The following PLXNA4 variants were observed in gnomAD, a reference collection of about 807,000 sequenced individuals.
PLXNA4 encodes plexin-A4.
A neutral mutation model predicts 191.8 loss-of-function variants in PLXNA4; 44 were observed. The observed-to-expected ratio is 0.23, with a 90% CI of 0.18 to 0.29. The LOEUF (loss-of-function observed/expected upper bound fraction) is 0.29, where lower values mean the gene tolerates loss of function less well. Ranked by LOEUF, PLXNA4 falls within the 10% of genes least tolerant of loss-of-function variation. The pLI, the probability that PLXNA4 is intolerant of heterozygous loss-of-function variation, is 1.00. For synonymous variants in PLXNA4, 1,082 were observed against 1,009.5 expected (o/e 1.07, Z -1.36); for missense variants, 1,800 against 2,488.8 (o/e 0.72, Z 5.89).
At chr7:132,525,838 G>C (rs1170709347) in intron 1 of PLXNA4, among the ~76,000 whole-genome samples, 1 of 152,158 alleles carries the variant, frequency 6.6e-6, no homozygotes, top group African/African-American at 2.4e-5. Context: ...ACCCTCCTGG[G>C]GAGCCATGAT....
chr7:132,229,194 A>T (rs1041718775), intron 5 of PLXNA4, among the ~76,000 whole-genome samples: 1 of 152,188 alleles, frequency 6.6e-6, no homozygotes, highest in Non-Finnish European at 1.5e-5. Flanking sequence ...GGAGCTAAGA[A>T]CTGTAGTTAA....
chr7:132,178,845 TACACACAC>T (rs56027205), intron 20 of PLXNA4, among the ~76,000 whole-genome samples: 3,969 of 83,412 alleles, frequency 0.048, 205 homozygotes, highest in South Asian at 0.069. Context: ...TACACATATA[TACACACAC>T]ACACACACAC....
intron 3 of PLXNA4, among the ~76,000 whole-genome samples, chr7:132,357,014 A>G (rs1803735779): frequency 1.3e-5 from 2 of 152,154 alleles, no homozygotes; most frequent in Admixed American, 1.3e-4. Context: ...AAGGGCTTCA[A>G]CGTTAAAGGC....
At chr7:132,298,425 C>A (rs1801186748) in intron 3 of PLXNA4, among the ~76,000 whole-genome samples, 1 of 152,212 alleles carries the variant, frequency 6.6e-6, no homozygotes, top group Non-Finnish European at 1.5e-5. Context: ...AAGTGGGGGA[C>A]CAAGCTGGGC....
intron 3 of PLXNA4, among the ~76,000 whole-genome samples, chr7:132,437,034 C>CA (rs979717644): frequency 1.3e-5 from 2 of 152,184 alleles, no homozygotes; most frequent in African/African-American, 4.8e-5. Flanking sequence ...ATGCCTTGCT[C>CA]AGGGATCATG....
intron 3 of PLXNA4, among the ~76,000 whole-genome samples, chr7:132,319,242 G>A (rs1414800203): frequency 1.3e-5 from 2 of 152,168 alleles, no homozygotes; most frequent in East Asian, 3.9e-4. Context: ...TGAAAATGCA[G>A]CTTCCCAGGC....
chr7:132,578,911 G>A (rs1311645933), upstream of PLXNA4, among the ~76,000 whole-genome samples: 1 of 152,164 alleles, frequency 6.6e-6, no homozygotes, highest in African/African-American at 2.4e-5. Context: ...ACAATATCAG[G>A]TTAGTTTCAG....
chr7:132,433,571 T>A (rs974582225), intron 3 of PLXNA4, among the ~76,000 whole-genome samples: 1 of 152,026 alleles, frequency 6.6e-6, no homozygotes, highest in Non-Finnish European at 1.5e-5. Flanking sequence ...AGGAAGAGAG[T>A]AGCTGGCTTG....
chr7:132,580,945 AGAG>A (rs1238452340), upstream of PLXNA4, among the ~76,000 whole-genome samples: 2 of 152,186 alleles, frequency 1.3e-5, no homozygotes, highest in Non-Finnish European at 1.5e-5. Flanking sequence ...ACAGCTCAGC[AGAG>A]GAGGCAAGAG....
intron 30 of PLXNA4, among the ~76,000 whole-genome samples, chr7:132,138,842 G>C (rs919605622): frequency 2.6e-5 from 4 of 152,222 alleles, no homozygotes; most frequent in Admixed American, 2.0e-4. Context: ...TATGCAGCCT[G>C]TTCCTGGGAA....
chr7:132,463,474 T>C (rs1282105473), intron 3 of PLXNA4, among the ~76,000 whole-genome samples: 1 of 152,186 alleles, frequency 6.6e-6, no homozygotes, highest in Non-Finnish European at 1.5e-5. Flanking sequence ...GATGTAAGTA[T>C]TTTTAGCCCA....
chr7:132,549,169 A>AT (rs1435089322), intron 1 of PLXNA4, among the ~76,000 whole-genome samples: 1 of 152,036 alleles, frequency 6.6e-6, no homozygotes, highest in East Asian at 1.9e-4. Context: ...TGGAGTAGCC[A>AT]TTTTTTTACT....
At chr7:132,441,751 A>G (rs1380955600) in intron 3 of PLXNA4, among the ~76,000 whole-genome samples, 1 of 152,230 alleles carries the variant, frequency 6.6e-6, no homozygotes, top group Non-Finnish European at 1.5e-5. Context: ...ATTCAGTCAA[A>G]TAATAATCCT....
At chr7:132,430,511 C>T (rs528874820) in intron 3 of PLXNA4, among the ~76,000 whole-genome samples, 1 of 152,016 alleles carries the variant, frequency 6.6e-6, no homozygotes, top group African/African-American at 2.4e-5. Context: ...TTGAGCTAAG[C>T]CTGACAAGAT....
At chr7:132,562,467 C>G (rs1585344178) in intron 1 of PLXNA4, among the ~76,000 whole-genome samples, 1 of 90,594 alleles carries the variant, frequency 1.1e-5, no homozygotes, top group South Asian at 5.5e-4. Flanking sequence ...TCCTCCTCCT[C>G]CTTTCTCCTC....
At chr7:132,302,294 C>G (rs1801336904) in intron 3 of PLXNA4, among the ~76,000 whole-genome samples, 1 of 151,946 alleles carries the variant, frequency 6.6e-6, no homozygotes, top group African/African-American at 2.4e-5. Flanking sequence ...CAAAGGTGAA[C>G]TACAAAAAAA....
intron 30 of PLXNA4, among the ~76,000 whole-genome samples, chr7:132,134,901 C>CT (rs1795069476): frequency 2.0e-5 from 3 of 152,146 alleles, no homozygotes; most frequent in South Asian, 2.1e-4. Flanking sequence ...CTGTTCTCTT[C>CT]GAGGCCTGTG....
chr7:132,523,485 G>A (rs1799270135), intron 1 of PLXNA4, among the ~76,000 whole-genome samples: 1 of 152,246 alleles, frequency 6.6e-6, no homozygotes, highest in South Asian at 2.1e-4. Flanking sequence ...GAAGGCCGAC[G>A]GGCTGGAAGG....
intron 5 of PLXNA4, among the ~76,000 whole-genome samples, chr7:132,231,574 A>G (rs943804153): frequency 1.3e-5 from 2 of 152,106 alleles, no homozygotes; most frequent in African/African-American, 4.8e-5. Flanking sequence ...ACAGGCACAC[A>G]CCGCCATGCC....
Sources: gnomAD v4.1 joint callset for allele counts (sites outside exome capture counted in the v4.1 genomes callset) on GRCh38, gnomAD v4.1.1 for gene constraint, MANE v1.5 for transcripts, NCBI Gene and HGNC (gene_info 2026-07-23, HGNC 2026-07-21) for gene names.